Variants in SIRPB2 observed in about 807,000 individuals in gnomAD.
SIRPB2 encodes signal-regulatory protein beta-2.
SIRPB2 carries 18 observed loss-of-function variants against 27.1 expected under a neutral mutation model. That is an observed-to-expected ratio of 0.66 (90% confidence interval 0.46 to 0.98). The LOEUF (loss-of-function observed/expected upper bound fraction) is 0.98. Ranked by LOEUF, SIRPB2 falls within the 50% of genes least tolerant of loss-of-function variation. The probability of loss-of-function intolerance (pLI) is 0.00; values close to 1 mark genes in which losing one functional copy is unlikely to be tolerated. For synonymous variants in SIRPB2, 150 were observed against 164.6 expected, an observed-to-expected ratio of 0.91 and a Z score of 0.68; for missense variants, 420 against 417.4, an observed-to-expected ratio of 1.01 and a Z score of -0.06.
chr20:1,471,292 T>C (rs553265275), downstream of SIRPB2, among the ~76,000 whole-genome samples: 68 of 152,326 alleles, frequency 4.5e-4, no homozygotes, highest in Middle Eastern at 3.4e-3. Flanking sequence ...CCAGTTCTAC[T>C]TGTGGGTGTG....
chr20:1,475,764 CAGATGGTCTG>C lies in SIRPB2; in HGVS notation c.*393_*402del. The C allele has an allele frequency of 7.4e-5, 12 of 162,364 alleles. No homozygotes were observed. The highest frequency in any genetic ancestry group is 4.7e-4 in the South Asian group (3 of 6,442). 10.1% of individuals were successfully genotyped at this position (162,364 alleles called of 1,614,324 possible). On this transcript the variant is annotated 3_prime_UTR_variant, in exon 5 of 5. Coordinates refer to ENST00000359801, the MANE Select transcript of SIRPB2 (RefSeq NM_001122962.2). ...GGAGAAAGGTGTAGATGGAGGGGCA[CAGATGGTCTG>C]GCTGGTTGAGTTCAGAGATTCTTAC...
chr20:1,486,823 A>G (rs2090731663), intron 1 of SIRPB2, among the ~76,000 whole-genome samples: 1 of 152,198 alleles, frequency 6.6e-6, no homozygotes, highest in Admixed American at 6.5e-5. Context: ...AAGACAAGGA[A>G]GGTTTTTCAA....
rs1055641677 is a variant in SIRPB2, at chr20:1,480,009, T to A, written c.142A>T (p.Met48Leu). ...DWQVLQPEGP[M>L]LVAEGETLLL... ...AGTGTCTCACCTTCTGCCACCAGCA[T>A]GGGGCCCTCGGGCTGTAGCACCTGC... Residue 48 changes from methionine to leucine, a missense_variant, in exon 2 of 5, where the codon ATG becomes TTG. Coordinates refer to ENST00000359801, the MANE Select transcript of SIRPB2 (RefSeq NM_001122962.2). The A allele has an allele frequency of 6.2e-7, 1 of 1,613,908 alleles. No individual in the cohort carries two copies. The highest frequency in any genetic ancestry group is 8.5e-7 in the Non-Finnish European group (1 of 1,180,016).
At position 1,477,404 on chromosome 20, in the gene SIRPB2, C is replaced by T. The variant is rs1369659099; in HGVS notation, c.794-1G>A. On this transcript the variant is annotated splice_acceptor_variant, in intron 3 of 4. Coordinates refer to ENST00000359801, the MANE Select transcript of SIRPB2 (RefSeq NM_001122962.2). LOFTEE classifies it high-confidence loss of function. ...GCCTCTTTGGAAGAGGTAGATTTTGCTGCAAGGGAGAGAGGCTTTGTCATA... is the reference window on the plus strand; with the variant it reads ...GCCTCTTTGGAAGAGGTAGATTTTGTTGCAAGGGAGAGAGGCTTTGTCATA... 1 of 1,611,484 alleles carries T rather than the reference C, an allele frequency of 6.2e-7. No homozygotes were observed. The highest frequency in any genetic ancestry group is 1.3e-5 in the African/African-American group (1 of 74,976).
downstream of SIRPB2, among the ~76,000 whole-genome samples, chr20:1,471,447 T>C (rs952394606): frequency 6.6e-6 from 1 of 152,232 alleles, no homozygotes; most frequent in African/African-American, 2.4e-5. Flanking sequence ...GTTCTGAAGA[T>C]GAATGAATTA....
intron 1 of SIRPB2, among the ~76,000 whole-genome samples, chr20:1,485,331 G>A (rs2090714325): frequency 6.6e-6 from 1 of 151,932 alleles, no homozygotes; most frequent in Non-Finnish European, 1.5e-5. Flanking sequence ...TCCTATGCAT[G>A]GAACAAAGTA....
chr20:1,472,987 T>C (rs572936654), downstream of SIRPB2: 1 of 152,344 alleles, frequency 6.6e-6, no homozygotes, highest in South Asian at 2.1e-4. Flanking sequence ...AAATGTCACT[T>C]TATCAGGAGG....
At chr20:1,481,505 C>T (rs149900136) in intron 1 of SIRPB2, among the ~76,000 whole-genome samples, 2 of 152,222 alleles carry the variant, frequency 1.3e-5, no homozygotes, top group Non-Finnish European at 2.9e-5. Flanking sequence ...TTCCCATCAG[C>T]CTTTGTGAAT....
chr20:1,483,108 AT>A (rs35280142), intron 1 of SIRPB2, among the ~76,000 whole-genome samples: 32,852 of 136,218 alleles, frequency 0.24, 3,744 homozygotes, highest in Admixed American at 0.29. Context: ...CATCCTCATC[AT>A]TTTTTTTTTT....
At chr20:1,483,187 A>T (rs1600018405) in intron 1 of SIRPB2, among the ~76,000 whole-genome samples, 1 of 151,210 alleles carries the variant, frequency 6.6e-6, no homozygotes, top group Non-Finnish European at 1.5e-5. Context: ...GCTCACTGCA[A>T]CCTCCGCCTC....
At chr20:1,482,034 A>G (rs1229769082) in intron 1 of SIRPB2, among the ~76,000 whole-genome samples, 1 of 152,144 alleles carries the variant, frequency 6.6e-6, no homozygotes, top group East Asian at 1.9e-4. Flanking sequence ...GTTCTGGTCC[A>G]CCCAACAAAT....
intron 1 of SIRPB2, among the ~76,000 whole-genome samples, chr20:1,486,300 T>C (rs1296934822): frequency 6.6e-6 from 1 of 152,022 alleles, no homozygotes; most frequent in Non-Finnish European, 1.5e-5. Flanking sequence ...CTTGAACTCC[T>C]GGCCTCAAGT....
chr20:1,487,860 A>C (rs1293206284), intron 1 of SIRPB2, among the ~76,000 whole-genome samples: 1 of 152,222 alleles, frequency 6.6e-6, no homozygotes, highest in Non-Finnish European at 1.5e-5. Flanking sequence ...GAGTTTTTTC[A>C]ACAATGGTGC....
chr20:1,489,735 G>T, intron 1 of SIRPB2, among the ~76,000 whole-genome samples: 1 of 152,124 alleles, frequency 6.6e-6, no homozygotes, highest in African/African-American at 2.4e-5. Flanking sequence ...AAATGTGTTA[G>T]CCCCAGTCTC....
At chr20:1,476,993 C>T (rs895454347) in intron 4 of SIRPB2, 1 of 1,244,478 alleles carries the variant, frequency 8.0e-7, no homozygotes, top group Non-Finnish European at 1.0e-6. Flanking sequence ...TAGGAAGGGG[C>T]TCCATCCAGG....
intron 3 of SIRPB2, 188 bp downstream of exon 3, chr20:1,478,077 GC>G: frequency 1.4e-6 from 1 of 703,678 alleles, no homozygotes; most frequent in South Asian, 1.5e-5. Context: ...CAGAGGAAGG[GC>G]CATTTGTGCT....
chr20:1,475,078 C>T lies in SIRPB2; in HGVS notation c.*1089G>A, dbSNP rs2090595975. The T allele has an allele frequency of 2.0e-5, 3 of 152,212 alleles. No homozygotes were observed. The highest frequency in any genetic ancestry group is 4.1e-4 in the South Asian group (2 of 4,826). 9.4% of individuals were successfully genotyped at this position (152,212 alleles called of 1,614,324 possible). A position where few individuals can be genotyped will look rare whatever the true frequency, so the allele number is the denominator to read the frequency against. On this transcript the variant is annotated 3_prime_UTR_variant, in exon 5 of 5. Coordinates refer to ENST00000359801, the MANE Select transcript of SIRPB2 (RefSeq NM_001122962.2). ...GTCCACTAGATGGTGGTAGCACCCC[C>T]CCAGGTTGTGCCAACCAAAAACATC... is the stretch of plus-strand genomic sequence containing the variant.
At chr20:1,489,796 A>G (rs1418076766) in intron 1 of SIRPB2, among the ~76,000 whole-genome samples, 1 of 152,192 alleles carries the variant, frequency 6.6e-6, no homozygotes, top group Non-Finnish European at 1.5e-5. Context: ...TGCTGTGAGT[A>G]TTAAATAGAG....
rs143106771 is a variant in SIRPB2 at position 1,488,832 on chromosome 20, C to T, written c.85+2443G>A. 1.8e-3 allele frequency among the ~76,000 whole-genome samples: 280 copies of T among 152,250 alleles called. 2 individuals carry two copies. Among genetic ancestry groups the T allele is most frequent in the African/African-American group, 6.6e-3 (275 of 41,542 alleles). ...TTTGGCAGTGTCTGAAAAAGTTAAA[C>T]GTATGGCAACCATATGATCCATTTT... On this transcript the variant is annotated intron_variant, in intron 1 of 4. Transcript: ENST00000359801.
Sources: gnomAD v4.1 joint callset for allele counts (sites outside exome capture counted in the v4.1 genomes callset) on GRCh38, gnomAD v4.1.1 for gene constraint, MANE v1.5 for transcripts, NCBI Gene and HGNC (gene_info 2026-07-23, HGNC 2026-07-21) for gene names.